Variants in CELF2 observed in about 807,000 individuals in gnomAD.
CELF2 encodes CUGBP Elav-like family member 2.
Under a neutral mutation model 62.6 loss-of-function variants are expected in CELF2, and 8 were observed. That is an observed-to-expected ratio of 0.13 (90% CI 0.07 to 0.23). CELF2 has a LOEUF of 0.23. Among genes scored for constraint, CELF2 ranks in the 10% least tolerant of loss-of-function variants. The pLI, the probability that CELF2 is intolerant of heterozygous loss-of-function variation, is 1.00. For missense variants in CELF2, 333 were observed against 671.0 expected, an observed-to-expected ratio of 0.50 and a Z score of 5.56; for synonymous variants, 258 against 250.0, an observed-to-expected ratio of 1.03 and a Z score of -0.30.
At chr10:10,621,973 C>T in the CELF2 span, among the ~76,000 whole-genome samples, 1 of 152,164 alleles carries the variant, frequency 6.6e-6, no homozygotes, top group East Asian at 1.9e-4. Context: ...AGGAGTTTCT[C>T]ACATAGAGCC....
At chr10:10,937,122 T>TTTTC (rs2046492480) in intron 2 of CELF2, among the ~76,000 whole-genome samples, 1 of 44,200 alleles carries the variant, frequency 2.3e-5, no homozygotes, top group African/African-American at 2.0e-4. Flanking sequence ...TTTTCTTTTC[T>TTTTC]TTTTTTTTTT....
intron 1 of CELF2, among the ~76,000 whole-genome samples, chr10:10,906,706 C>CT (rs1341733089): frequency 5.2e-5 from 7 of 133,620 alleles, no homozygotes; most frequent in Non-Finnish European, 1.1e-4. Flanking sequence ...CTTTCTTTTT[C>CT]TTTTTCTTTT....
the CELF2 span, among the ~76,000 whole-genome samples, chr10:10,549,469 A>T: frequency 3.9e-5 from 6 of 152,148 alleles, no homozygotes; most frequent in Non-Finnish European, 8.8e-5. Context: ...TTTTTAGTAG[A>T]GACAGGGTTT....
chr10:10,870,336 G>T (rs2060659342), intron 1 of CELF2, among the ~76,000 whole-genome samples: 2 of 151,964 alleles, frequency 1.3e-5, no homozygotes, highest in Non-Finnish European at 2.9e-5. Flanking sequence ...CTATCTCGGG[G>T]TATATATATT....
intron 7 of CELF2, among the ~76,000 whole-genome samples, chr10:11,274,059 ATTAATC>A (rs1223270525): frequency 6.7e-5 from 10 of 148,724 alleles, no homozygotes; most frequent in African/African-American, 2.2e-4. Context: ...AAAATAGTGA[ATTAATC>A]TTGTTCCTCC....
chr10:10,524,084 C>G, the CELF2 span, among the ~76,000 whole-genome samples: 1 of 152,254 alleles, frequency 6.6e-6, no homozygotes, highest in South Asian at 2.1e-4. Flanking sequence ...TGTGTGCCCC[C>G]ACTTAGTAGG....
chr10:11,197,060 A>AGAAAG (rs1350011258), intron 2 of CELF2, among the ~76,000 whole-genome samples: 1 of 106,544 alleles, frequency 9.4e-6, no homozygotes, highest in African/African-American at 4.2e-5. Context: ...AAAGAAAGAA[A>AGAAAG]AGAAAGAAAG....
Position 11,329,806 on chromosome 10 carries a change from G to A in CELF2, c.*753G>A, listed in dbSNP as rs1279142271. 6.6e-6 allele frequency: 1 copy of A among 151,964 alleles called. No homozygotes were observed. The highest frequency in any genetic ancestry group is 2.4e-5 in the African/African-American group (1 of 41,386). The allele number at this position is 151,964 out of a possible 1,614,324, so 9.4% of individuals were successfully genotyped here. ...AAAATAAAAATGAGTGAAAATACTT[G>A]ATGTTTCTTGAAAGATAAATTTAAT... On this transcript the variant is annotated 3_prime_UTR_variant, in exon 13 of 13. Coordinates refer to ENST00000633077, the MANE Select transcript of CELF2 (RefSeq NM_001326342.2). The surrounding 1 kb of genome is among the most constrained non-coding windows in gnomAD (Gnocchi z 5.5).
intron 2 of CELF2, among the ~76,000 whole-genome samples, chr10:10,991,999 G>A (rs1042729215): frequency 2.6e-5 from 4 of 152,098 alleles, no homozygotes; most frequent in Non-Finnish European, 4.4e-5. Flanking sequence ...TCTACTGTGT[G>A]CCAGGTACCT....
chr10:11,257,279 C>T (rs1277448647), intron 4 of CELF2, among the ~76,000 whole-genome samples: 2 of 146,342 alleles, frequency 1.4e-5, no homozygotes, highest in South Asian at 2.2e-4. Context: ...CTGCCCCCAT[C>T]GTCTTTCCTC....
At chr10:10,904,896 G>A (rs911618767) in intron 1 of CELF2, among the ~76,000 whole-genome samples, 3 of 152,186 alleles carry the variant, frequency 2.0e-5, no homozygotes, top group Non-Finnish European at 4.4e-5. Context: ...AAGTAAAATT[G>A]AGGAGTGGGA....
the CELF2 span, among the ~76,000 whole-genome samples, chr10:10,632,022 C>G: frequency 6.6e-6 from 1 of 152,140 alleles, no homozygotes; most frequent in African/African-American, 2.4e-5. Context: ...AAAGGCTTAG[C>G]CCAATGTCCA....
At chr10:11,170,843 C>T (rs532514176) in intron 2 of CELF2, among the ~76,000 whole-genome samples, 3 of 152,186 alleles carry the variant, frequency 2.0e-5, no homozygotes, top group African/African-American at 7.2e-5. Context: ...GTTACAATCC[C>T]AAATCATAGC....
At chr10:10,985,290 T>C (rs1008038271) in intron 2 of CELF2, among the ~76,000 whole-genome samples, 2 of 151,610 alleles carry the variant, frequency 1.3e-5, no homozygotes, top group Non-Finnish European at 2.9e-5. Context: ...TTTAGTAAAA[T>C]GGTTTCACTT....
At chr10:10,674,174 T>C in the CELF2 span, among the ~76,000 whole-genome samples, 82 of 152,314 alleles carry the variant, frequency 5.4e-4, 1 homozygote, top group Admixed American at 1.4e-3. Flanking sequence ...TGCAGTGCTA[T>C]TGGTTTTGCC....
At chr10:10,578,520 T>A in the CELF2 span, among the ~76,000 whole-genome samples, 1 of 152,154 alleles carries the variant, frequency 6.6e-6, no homozygotes, top group Non-Finnish European at 1.5e-5. Flanking sequence ...CTTTAATCCA[T>A]CTTGAATTAA....
chr10:10,732,164 A>G, the CELF2 span, among the ~76,000 whole-genome samples: 1 of 152,162 alleles, frequency 6.6e-6, no homozygotes. Flanking sequence ...AGGGAGGGCT[A>G]GGGACTTCTC....
chr10:11,122,061 T>C (rs930855277), intron 1 of CELF2, among the ~76,000 whole-genome samples: 2 of 152,248 alleles, frequency 1.3e-5, no homozygotes, highest in Non-Finnish European at 2.9e-5. Flanking sequence ...CACTATATAA[T>C]TGAGGCATCT....
the CELF2 span, among the ~76,000 whole-genome samples, chr10:10,649,511 A>G: frequency 2.0e-5 from 3 of 151,956 alleles, no homozygotes; most frequent in East Asian, 5.8e-4. Context: ...TTACATACAG[A>G]TATATCTTAG....
Sources: gnomAD v4.1 joint callset for allele counts (sites outside exome capture counted in the v4.1 genomes callset) on GRCh38, gnomAD v4.1.1 for gene constraint, Gnocchi (gnomAD v3.1) non-coding constraint, MANE v1.5 for transcripts, NCBI Gene and HGNC (gene_info 2026-07-23, HGNC 2026-07-21) for gene names.